The following SEMA3E variants were observed in gnomAD, a reference collection of about 807,000 sequenced individuals.
SEMA3E encodes the protein semaphorin-3E.
A neutral mutation model predicts 93.6 loss-of-function variants in SEMA3E; 49 were observed. The ratio of observed to expected loss-of-function variants is 0.52; its 90% confidence interval spans 0.42 to 0.66. The LOEUF (loss-of-function observed/expected upper bound fraction) is 0.66. SEMA3E is among the 30% of genes least tolerant of loss of function. SEMA3E has a pLI of 0.00. For synonymous variants in SEMA3E, 363 were observed against 330.7 expected, an observed-to-expected ratio of 1.10 and a Z score of -1.06; for missense variants, 906 against 964.8, an observed-to-expected ratio of 0.94 and a Z score of 0.81.
chr7:83,467,057 C>CTTTTTTTTTTTTTTTTT (rs59059670), intron 3 of SEMA3E, among the ~76,000 whole-genome samples: 1 of 117,168 alleles, frequency 8.5e-6, no homozygotes, highest in Non-Finnish European at 1.7e-5. Context: ...AATATGCAGT[C>CTTTTTTTTTTTTTTTTT]TTTTTTTTTT....
chr7:83,470,354 C>G (rs1789866060), intron 2 of SEMA3E, among the ~76,000 whole-genome samples: 1 of 150,096 alleles, frequency 6.7e-6, no homozygotes, highest in African/African-American at 2.4e-5. Flanking sequence ...TTATCACTTT[C>G]TTTCCTTTTC....
intron 1 of SEMA3E, among the ~76,000 whole-genome samples, chr7:83,643,632 T>C (rs937606015): frequency 6.6e-6 from 1 of 151,950 alleles, no homozygotes; most frequent in African/African-American, 2.4e-5. Flanking sequence ...CTGTAGCAAA[T>C]ATAAAAATGC....
intron 2 of SEMA3E, among the ~76,000 whole-genome samples, chr7:83,481,361 A>G (rs1790142332): frequency 6.6e-6 from 1 of 152,120 alleles, no homozygotes; most frequent in Non-Finnish European, 1.5e-5. Flanking sequence ...TAGAGAAAGC[A>G]AAATAAATAA....
In SEMA3E at chr7:83,385,308, T is replaced by C. The variant is rs1252418845; in HGVS notation, c.1861A>G (p.Thr621Ala). Residue 621 changes from threonine (T) to alanine (A), a missense_variant, in exon 16 of 17, where the codon ACA becomes GCA. Physicochemically the swap from Thr to Ala is moderately conservative, Grantham distance 58. Transcript: ENST00000643230. ...VIWFVQKGRE[T>A]RKEEVKTDDR... The stretch of plus-strand genomic sequence containing the variant: ...CTATGAATTACCTCCTCTTTTCTTG[T>C]CTCACGTCCTTTCTGTACAAACCAG... 4.3e-6 allele frequency: 7 copies of C among 1,613,220 alleles called. No homozygotes were observed. Among genetic ancestry groups the C allele is most frequent in the Non-Finnish European group, 5.9e-6 (7 of 1,179,480 alleles).
At chr7:83,390,067 ATGCGCGTATACGTGTG>A (rs1787979916) in intron 14 of SEMA3E, among the ~76,000 whole-genome samples, 1 of 137,312 alleles carries the variant, frequency 7.3e-6, no homozygotes, top group African/African-American at 2.6e-5. Flanking sequence ...GTGCACATAT[ATGCGCGTATACGTGTG>A]CACATATATG....
chr7:83,599,237 T>C (rs978746337), intron 1 of SEMA3E, among the ~76,000 whole-genome samples: 1 of 152,178 alleles, frequency 6.6e-6, no homozygotes, highest in Non-Finnish European at 1.5e-5. Context: ...TTTTCTAAAA[T>C]AGTAAATCTA....
intron 2 of SEMA3E, among the ~76,000 whole-genome samples, chr7:83,469,857 T>C (rs561482170): frequency 1.3e-5 from 2 of 152,178 alleles, no homozygotes; most frequent in Non-Finnish European, 2.9e-5. Flanking sequence ...AGTGCAGCGG[T>C]GTGATCTCGG....
intron 1 of SEMA3E, among the ~76,000 whole-genome samples, chr7:83,615,861 A>G (rs1462094051): frequency 6.6e-6 from 1 of 152,134 alleles, no homozygotes. Context: ...AAAGCGAAAT[A>G]CCAAGGGCTG....
rs1562745442 is a variant in SEMA3E, at chr7:83,366,558, C to T, written c.*1028G>A. 1 of 151,962 alleles carries T rather than the reference C, an allele frequency of 6.6e-6. No homozygotes were observed. Among genetic ancestry groups the T allele is most frequent in the Non-Finnish European group, 1.5e-5 (1 of 67,922 alleles). The allele number at this position is 151,962 out of a possible 1,614,324, so 9.4% of individuals were successfully genotyped here. The stretch of plus-strand genomic sequence containing the variant: ...GATTTCAGCGAAGATTATTTAGAAA[C>T]TTAAAATTTGGAGCTTTAATAGATT... On this transcript the variant is annotated 3_prime_UTR_variant, in exon 17 of 17. Coordinates refer to ENST00000643230, the MANE Select transcript of SEMA3E (RefSeq NM_012431.3).
At chr7:83,439,827 A>T (rs905984633) in intron 4 of SEMA3E, among the ~76,000 whole-genome samples, 1 of 152,204 alleles carries the variant, frequency 6.6e-6, no homozygotes, top group African/African-American at 2.4e-5. Flanking sequence ...GCATGATATT[A>T]TGGTGGCTTA....
intron 14 of SEMA3E, among the ~76,000 whole-genome samples, chr7:83,388,665 T>C (rs1787932561): frequency 6.6e-6 from 1 of 152,032 alleles, no homozygotes; most frequent in South Asian, 2.1e-4. Flanking sequence ...ATGATGAAAT[T>C]TGGAAAAGTG....
chr7:83,407,745 G>A (rs1240817361), intron 6 of SEMA3E, among the ~76,000 whole-genome samples: 2 of 152,078 alleles, frequency 1.3e-5, no homozygotes, highest in African/African-American at 2.4e-5. Flanking sequence ...TGGGATTGTA[G>A]TCCAAGAGAT....
chr7:83,600,506 T>G (rs1259091748), intron 1 of SEMA3E, among the ~76,000 whole-genome samples: 5 of 131,772 alleles, frequency 3.8e-5, no homozygotes. Context: ...TTTTTTTTTT[T>G]TTTTTTTTTT....
chr7:83,502,795 A>G (rs1469212145), intron 1 of SEMA3E, among the ~76,000 whole-genome samples: 2 of 152,144 alleles, frequency 1.3e-5, no homozygotes, highest in African/African-American at 2.4e-5. Flanking sequence ...AAGCCTTTCC[A>G]TCTTGGTCAC....
At chr7:83,497,960 T>C (rs1790520772) in intron 1 of SEMA3E, among the ~76,000 whole-genome samples, 1 of 152,184 alleles carries the variant, frequency 6.6e-6, no homozygotes, top group Non-Finnish European at 1.5e-5. Context: ...TCTTATCATA[T>C]GTAAATTATT....
At chr7:83,584,099 C>T (rs545443401) in intron 1 of SEMA3E, among the ~76,000 whole-genome samples, 2 of 152,220 alleles carry the variant, frequency 1.3e-5, no homozygotes, top group African/African-American at 4.8e-5. Context: ...TTACAGCATT[C>T]TAAGTTCTAC....
rs2713181 is a variant in SEMA3E at position 83,466,902 on chromosome 7, A to T, written c.337-301T>A. Among the ~76,000 whole-genome samples the T allele has an allele frequency of 0.45, 67,992 of 152,006 alleles. 16,478 individuals are homozygous for T. Among genetic ancestry groups the T allele is most frequent in the East Asian group, 0.66 (3,412 of 5,154 alleles). Reference sequence around the variant, plus strand: ...AAAGCACTATTCAGAAATTTCTTCAAGTGTAAAAATTCTCATGACAATATG... The same window carrying T: ...AAAGCACTATTCAGAAATTTCTTCATGTGTAAAAATTCTCATGACAATATG... On this transcript the variant is annotated intron_variant, in intron 3 of 16. Coordinates refer to ENST00000643230, the MANE Select transcript of SEMA3E (RefSeq NM_012431.3).
chr7:83,478,523 G>C (rs1308028648), intron 2 of SEMA3E, among the ~76,000 whole-genome samples: 1 of 152,142 alleles, frequency 6.6e-6, no homozygotes, highest in Non-Finnish European at 1.5e-5. Flanking sequence ...CAGATTGCAA[G>C]GGGCTATTCA....
At chr7:83,461,584 A>G (rs1311447394) in intron 4 of SEMA3E, among the ~76,000 whole-genome samples, 1 of 152,118 alleles carries the variant, frequency 6.6e-6, no homozygotes, top group Non-Finnish European at 1.5e-5. Context: ...GCTCTTTTTC[A>G]TCAAATATAA....
Sources: allele counts gnomAD v4.1 joint callset (sites outside exome capture counted in the v4.1 genomes callset), GRCh38; gene constraint gnomAD v4.1.1; transcripts MANE v1.5; gene names NCBI Gene and HGNC (gene_info 2026-07-23, HGNC 2026-07-21).